The following TJP1 variants were observed in gnomAD, a reference collection of about 807,000 sequenced individuals.
TJP1 encodes the protein tight junction protein ZO-1.
In TJP1, 43 loss-of-function variants were observed where a neutral mutation model predicts 194.2. The ratio of observed to expected loss-of-function variants is 0.22; its 90% CI spans 0.17 to 0.29. TJP1 has a LOEUF of 0.29. Ranked by LOEUF, TJP1 falls within the 10% of genes least tolerant of loss-of-function variation. TJP1 has a pLI of 1.00. For missense variants in TJP1, 1,971 were observed against 2,185.7 expected (o/e 0.90, Z 1.96); for synonymous variants, 801 against 779.0 (o/e 1.03, Z -0.47).
intron 12 of TJP1, 131 bp from the exon 13 acceptor site, chr15:29,733,444 C>T: frequency 1.4e-6 from 1 of 694,954 alleles, no homozygotes; most frequent in Non-Finnish European, 2.4e-6. Context: ...GTGCCAGGTA[C>T]TGTATTATTT....
At chr15:29,820,558 C>T (rs1370414734) in intron 1 of TJP1, 6 of 716,692 alleles carry the variant, frequency 8.4e-6, no homozygotes, top group Non-Finnish European at 1.6e-5. Context: ...AAACGTATTT[C>T]TCTCCATACT....
chr15:29,732,868 A>G, intron 13 of TJP1, 53 bp from the exon 14 acceptor site: 1 of 1,485,790 alleles, frequency 6.7e-7, no homozygotes, highest in South Asian at 1.3e-5. Context: ...GCAAAATGGA[A>G]AAAGACCCAC....
intron 3 of TJP1, among the ~76,000 whole-genome samples, chr15:29,772,969 C>A (rs1019223568): frequency 1.3e-5 from 2 of 152,096 alleles, no homozygotes; most frequent in Non-Finnish European, 2.9e-5. Flanking sequence ...GATCTCACTG[C>A]ATTGCCCAGG....
intron 2 of TJP1, among the ~76,000 whole-genome samples, chr15:29,910,177 C>T (rs1228645792): frequency 6.6e-6 from 1 of 152,174 alleles, no homozygotes; most frequent in Non-Finnish European, 1.5e-5. Context: ...CCTTGCAAAA[C>T]AATAGCCGGC....
At position 29,896,763 on chromosome 15, in the gene TJP1, A is replaced by G. The variant is rs774965519; in HGVS notation, c.306+59469T>C. Among the ~76,000 whole-genome samples the G allele has an allele frequency of 3.9e-5, 6 of 152,302 alleles. No individual in the cohort carries two copies. The East Asian group carries it at 7.7e-4, about 20-fold the overall frequency. ...AACTGGAGCAAAGGTGACTCTTACCATGTTTTAGCAAAGAGACTGGCAGCC... is the reference window on the plus strand; with the variant it reads ...AACTGGAGCAAAGGTGACTCTTACCGTGTTTTAGCAAAGAGACTGGCAGCC... On this transcript the variant is annotated intron_variant, in intron 2 of 28. Transcript: ENST00000356107.
intron 2 of TJP1, among the ~76,000 whole-genome samples, chr15:29,936,990 T>C (rs993908787): frequency 2.0e-5 from 3 of 152,224 alleles, no homozygotes; most frequent in South Asian, 2.1e-4. Context: ...ACCCATGTTA[T>C]AACAAGCAAT....
chr15:29,864,989 A>G (rs1428693487), intron 2 of TJP1, among the ~76,000 whole-genome samples: 6 of 152,180 alleles, frequency 3.9e-5, no homozygotes, highest in African/African-American at 1.4e-4. Flanking sequence ...CTTCTGTGGG[A>G]GTGACACACT....
intron 2 of TJP1, among the ~76,000 whole-genome samples, chr15:29,840,268 C>T (rs2051176180): frequency 6.6e-6 from 1 of 152,166 alleles, no homozygotes; most frequent in South Asian, 2.1e-4. Flanking sequence ...TCAGTTTTTC[C>T]TCTTATGGAT....
At chr15:29,881,127 AC>A (rs1413997832) in intron 2 of TJP1, among the ~76,000 whole-genome samples, 1 of 152,078 alleles carries the variant, frequency 6.6e-6, no homozygotes, top group African/African-American at 2.4e-5. Context: ...TTTTTTCATA[AC>A]AGCTATCCTA....
chr15:29,917,669 GTGAA>G (rs2054230059), intron 2 of TJP1, among the ~76,000 whole-genome samples: 1 of 152,138 alleles, frequency 6.6e-6, no homozygotes. Context: ...GAACAGGGGA[GTGAA>G]TGAATGCCAG....
chr15:29,766,243 C>T, intron 5 of TJP1, 23 bp downstream of exon 5: 1 of 1,593,966 alleles, frequency 6.3e-7, no homozygotes, highest in Non-Finnish European at 8.5e-7. Context: ...GTGAAAAAAA[C>T]AGCAAGAGTT....
In TJP1 at chr15:29,704,182, T is replaced by G; in HGVS notation, c.5192A>C (p.Lys1731Thr). Residue 1731 changes from lysine (K) to threonine (T), a missense_variant, in exon 27 of 28, where the codon AAA (lysine) becomes ACA (threonine). Transcript: ENST00000614355. ...MTPDGWSFAL[K>T]SSDSSSGDPK... ...CATACCCGACGAGGAGTCGGATGAT[T>G]TTAGAGCAAAAGACCAACCGTCAGG... 1.3e-6 allele frequency: 2 copies of G among 1,566,982 alleles called. No homozygotes were observed. The highest frequency in any genetic ancestry group is 1.7e-6 in the Non-Finnish European group (2 of 1,154,752).
chr15:29,883,038 GA>G (rs900703830), intron 2 of TJP1, among the ~76,000 whole-genome samples: 6 of 152,100 alleles, frequency 3.9e-5, no homozygotes, highest in Admixed American at 1.3e-4. Flanking sequence ...AATTAACAGG[GA>G]AAAAAATGCC....
intron 2 of TJP1, among the ~76,000 whole-genome samples, chr15:29,846,426 C>T (rs965389031): frequency 2.6e-5 from 4 of 152,272 alleles, no homozygotes; most frequent in Middle Eastern, 3.4e-3. Flanking sequence ...TTAATAACTA[C>T]TTCTCTATTC....
chr15:29,847,710 G>A (rs1379765359), intron 2 of TJP1, among the ~76,000 whole-genome samples: 7 of 152,124 alleles, frequency 4.6e-5, no homozygotes, highest in African/African-American at 9.7e-5. Context: ...GTGTGAACCC[G>A]GGAGGCGGAG....
intron 1 of TJP1, among the ~76,000 whole-genome samples, chr15:29,814,384 CA>C (rs1297634815): frequency 1.3e-5 from 2 of 152,090 alleles, no homozygotes; most frequent in Non-Finnish European, 2.9e-5. Flanking sequence ...ATCGGGATCC[CA>C]AACAAAATGT....
chr15:29,790,191 A>G (rs1200522518), intron 2 of TJP1, among the ~76,000 whole-genome samples: 2 of 152,214 alleles, frequency 1.3e-5, no homozygotes. Context: ...CTTATTTACT[A>G]TCTGGCTCTT....
At chr15:29,847,396 C>T (rs757345798) in intron 2 of TJP1, among the ~76,000 whole-genome samples, 5 of 151,936 alleles carry the variant, frequency 3.3e-5, no homozygotes, top group African/African-American at 4.8e-5. Context: ...TTATTATTCC[C>T]TTCTTTTGCT....
chr15:29,706,169 G>A (rs953531908), intron 25 of TJP1, among the ~76,000 whole-genome samples: 1 of 152,122 alleles, frequency 6.6e-6, no homozygotes, highest in Non-Finnish European at 1.5e-5. Flanking sequence ...TGATCTCGTC[G>A]TGATCCACCT....
Sources: allele counts gnomAD v4.1 joint callset (sites outside exome capture counted in the v4.1 genomes callset), GRCh38; gene constraint gnomAD v4.1.1; transcripts MANE v1.5; gene names NCBI Gene and HGNC (gene_info 2026-07-23, HGNC 2026-07-21).